Variants in SP100 observed in about 807,000 individuals in gnomAD.
SP100 encodes the protein nuclear autoantigen Sp-100.
A neutral mutation model predicts 130.0 loss-of-function variants in SP100; 84 were observed. That is an observed-to-expected ratio of 0.65 (90% CI 0.54 to 0.77). The LOEUF (loss-of-function observed/expected upper bound fraction) is 0.77, where lower values mean the gene tolerates loss of function less well. Ranked by LOEUF, SP100 falls within the 30% of genes least tolerant of loss-of-function variation. The pLI, the probability that SP100 is intolerant of heterozygous loss-of-function variation, is 0.00. For missense variants in SP100, 978 were observed against 1,052.2 expected (o/e 0.93, Z 0.97); for synonymous variants, 331 against 351.7 (o/e 0.94, Z 0.66).
chr2:230,482,641 C>A (rs575730082), intron 17 of SP100, among the ~76,000 whole-genome samples: 1 of 151,642 alleles, frequency 6.6e-6, no homozygotes, highest in African/African-American at 2.4e-5. Context: ...ACCATTTCTT[C>A]TAGCTTCTCC....
intron 24 of SP100, among the ~76,000 whole-genome samples, chr2:230,524,654 T>C (rs1261240326): frequency 6.6e-6 from 1 of 152,150 alleles, no homozygotes; most frequent in Non-Finnish European, 1.5e-5. Flanking sequence ...AGATAAAGTT[T>C]TTGTGTAATT....
intron 17 of SP100, among the ~76,000 whole-genome samples, chr2:230,486,372 G>A (rs540649866): frequency 6.6e-6 from 1 of 152,268 alleles, no homozygotes; most frequent in South Asian, 2.1e-4. Context: ...TCCCCTCCCT[G>A]TGTCCATGTG....
intron 18 of SP100, among the ~76,000 whole-genome samples, chr2:230,497,280 A>G (rs1014228967): frequency 4.6e-5 from 7 of 152,166 alleles, no homozygotes; most frequent in Non-Finnish European, 2.9e-5. Flanking sequence ...GGTGACTACA[A>G]CAGGACCAAA....
chr2:230,455,903 TC>T (rs1406905216), intron 8 of SP100, among the ~76,000 whole-genome samples: 28 of 152,334 alleles, frequency 1.8e-4, no homozygotes, highest in African/African-American at 6.3e-4. Flanking sequence ...TTTACTTTGC[TC>T]CCTCATTTAA....
chr2:230,520,365 G>C (rs1000366942), intron 24 of SP100, among the ~76,000 whole-genome samples: 2 of 152,176 alleles, frequency 1.3e-5, no homozygotes, highest in African/African-American at 4.8e-5. Context: ...CTAAGGAAAG[G>C]TTGTCCCATC....
chr2:230,476,577 A>G (rs17274304), intron 17 of SP100, among the ~76,000 whole-genome samples: 35,201 of 152,032 alleles, frequency 0.23, 5,005 homozygotes, highest in Non-Finnish European at 0.33. Context: ...ATTGGTGTCT[A>G]TCTTTCCAGA....
intron 17 of SP100, among the ~76,000 whole-genome samples, chr2:230,475,499 C>G (rs2065495656): frequency 6.6e-6 from 1 of 152,138 alleles, no homozygotes; most frequent in African/African-American, 2.4e-5. Context: ...TCTGTTTACT[C>G]TTTTGGTAAT....
At chr2:230,426,706 G>A (rs938893141) in intron 2 of SP100, among the ~76,000 whole-genome samples, 2 of 152,146 alleles carry the variant, frequency 1.3e-5, no homozygotes, top group African/African-American at 4.8e-5. Flanking sequence ...ATACACTGGA[G>A]TAGAATGTGT....
At chr2:230,489,861 G>A (rs2066305852) in intron 17 of SP100, among the ~76,000 whole-genome samples, 2 of 152,142 alleles carry the variant, frequency 1.3e-5, no homozygotes, top group Non-Finnish European at 2.9e-5. Flanking sequence ...TAATTTGTTT[G>A]TGCTGTGGTC....
In SP100 at chr2:230,440,573, G is replaced by A. The variant is rs182697163; in HGVS notation, c.108-2364G>A. On this transcript the variant is annotated intron_variant, in intron 2 of 28. Coordinates refer to ENST00000340126, the MANE Select transcript of SP100 (RefSeq NM_001080391.2). ...TTAAACACATGTAAGTAAATGGAGA[G>A]ATATACAATGTTAACAGATTGGAAG... The A allele has an allele frequency of 2.6e-4, 363 of 1,380,894 alleles. No homozygotes were observed. In the African/African-American group the frequency reaches 4.7e-3, roughly 18 times the overall value. 85.5% of individuals were successfully genotyped at this position (1,380,894 alleles called of 1,614,324 possible). A position where few individuals can be genotyped will look rare whatever the true frequency, so the allele number is the denominator to read the frequency against.
Position 230,473,215 on chromosome 2 carries a change from C to G in SP100, c.1430-109C>G, listed in dbSNP as rs534912544. 3.0e-4 allele frequency: 203 copies of G among 682,876 alleles called. No individual in the cohort carries two copies. In the African/African-American group the frequency reaches 3.2e-3, roughly 11 times the overall value. The allele number at this position is 682,876 out of a possible 1,614,324, so 42.3% of individuals were successfully genotyped here. On this transcript the variant is annotated intron_variant, in intron 15 of 28. Coordinates refer to ENST00000340126, the MANE Select transcript of SP100 (RefSeq NM_001080391.2). ...GAAAAAGAGATTTCAGATGTAGAGC[C>G]CATCCCTTAATTTAGCTGTGGGGAG...
intron 17 of SP100, among the ~76,000 whole-genome samples, chr2:230,488,020 T>G (rs1417396107): frequency 6.6e-6 from 1 of 152,204 alleles, no homozygotes; most frequent in Admixed American, 6.5e-5. Flanking sequence ...GCTTGTGATT[T>G]TTGCACATTG....
intron 23 of SP100, chr2:230,509,384 C>G (rs1690404723): frequency 6.6e-6 from 1 of 152,210 alleles, no homozygotes; most frequent in Admixed American, 6.5e-5. Flanking sequence ...ACCTGCTCCA[C>G]TGGCTTTATG....
At chr2:230,484,160 C>T (rs1030017520) in intron 17 of SP100, among the ~76,000 whole-genome samples, 1 of 152,168 alleles carries the variant, frequency 6.6e-6, no homozygotes, top group Non-Finnish European at 1.5e-5. Context: ...AAAAGTGGCA[C>T]TAAATAGACC....
At chr2:230,449,024 TA>T (rs2063838672) in intron 5 of SP100, 63 bp from the exon 6 acceptor site, 6 of 1,024,720 alleles carry the variant, frequency 5.9e-6, no homozygotes, top group South Asian at 3.8e-5. Flanking sequence ...AAAAAGGGAT[TA>T]GGGGAGAATG....
At chr2:230,529,967 A>G (rs1691619570) in intron 24 of SP100, among the ~76,000 whole-genome samples, 1 of 152,202 alleles carries the variant, frequency 6.6e-6, no homozygotes, top group Admixed American at 6.5e-5. Flanking sequence ...ATGCTCATGG[A>G]TAGGAAGAAT....
At chr2:230,535,859 A>G (rs1691912142) in intron 24 of SP100, among the ~76,000 whole-genome samples, 2 of 146,434 alleles carry the variant, frequency 1.4e-5, no homozygotes, top group Non-Finnish European at 3.0e-5. Flanking sequence ...GGGAGCCAAG[A>G]TCATGCCACT....
At chr2:230,444,104 T>C (rs1034167550) in intron 3 of SP100, 74 bp from the exon 4 acceptor site, 84 of 1,114,242 alleles carry the variant, frequency 7.5e-5, no homozygotes, top group Non-Finnish European at 1.0e-4. Flanking sequence ...ACAGTAACCA[T>C]AGAATTCCTT....
At chr2:230,428,290 AAG>A (rs1417584733) in intron 2 of SP100, among the ~76,000 whole-genome samples, 2 of 152,168 alleles carry the variant, frequency 1.3e-5, no homozygotes, top group African/African-American at 4.8e-5. Flanking sequence ...TTATAAAGAA[AAG>A]AGGTTTAATT....
Sources: gnomAD v4.1 joint callset for allele counts (sites outside exome capture counted in the v4.1 genomes callset) on GRCh38, gnomAD v4.1.1 for gene constraint, MANE v1.5 for transcripts, NCBI Gene and HGNC (gene_info 2026-07-23, HGNC 2026-07-21) for gene names.